HSD17B14: variants seen among roughly 807,000 people sequenced by gnomAD.
HSD17B14 encodes hydroxysteroid 17-beta dehydrogenase 14, also known as L-fucose dehydrogenase.
HSD17B14 carries 32 observed loss-of-function variants against 32.2 expected under a neutral mutation model. The observed-to-expected ratio is 0.99, with a 90% CI of 0.75 to 1.33. The LOEUF (loss-of-function observed/expected upper bound fraction) is 1.33, where lower values mean the gene tolerates loss of function less well. HSD17B14 is among the 40% of genes most tolerant of loss of function. HSD17B14 has a pLI of 0.00. For missense variants in HSD17B14, 370 were observed against 366.5 expected (o/e 1.01, Z -0.08); for synonymous variants, 140 against 155.4 (o/e 0.90, Z 0.74).
intron 4 of HSD17B14, 56 bp from the exon 5 acceptor site, chr19:48,831,815 C>T (rs933798721): frequency 9.7e-7 from 1 of 1,029,840 alleles, no homozygotes; most frequent in Non-Finnish European, 1.5e-6. Flanking sequence ...CACAGTTGCC[C>T]ACGCCTGTAA....
intron 5 of HSD17B14, among the ~76,000 whole-genome samples, chr19:48,830,164 C>G (rs1321376778): frequency 6.6e-6 from 1 of 152,088 alleles, no homozygotes; most frequent in Non-Finnish European, 1.5e-5. Flanking sequence ...CTTGCAGCCC[C>G]TTAACCCAAC....
chr19:48,833,938 C>T (rs554208840), intron 3 of HSD17B14, among the ~76,000 whole-genome samples: 16 of 151,860 alleles, frequency 1.1e-4, no homozygotes, highest in East Asian at 3.9e-4. Context: ...TGCAGTGAGC[C>T]GAGATCACAC....
At chr19:48,816,815 C>CTTTCTTTCTTTCTTTCTT (rs2035063076) in intron 5 of HSD17B14, among the ~76,000 whole-genome samples, 1 of 86,648 alleles carries the variant, frequency 1.2e-5, no homozygotes, top group Non-Finnish European at 2.4e-5. Flanking sequence ...TTCTTTCTTT[C>CTTTCTTTCTTTCTTTCTT]TTTCTTTCTT....
intron 5 of HSD17B14, among the ~76,000 whole-genome samples, chr19:48,821,178 A>G (rs975251685): frequency 1.3e-5 from 2 of 151,836 alleles, no homozygotes; most frequent in African/African-American, 4.8e-5. Context: ...ACGCCCAGCT[A>G]ATTTTTTGTA....
rs775920784 is a variant in HSD17B14, at chr19:48,813,194, G to A, written c.794C>T (p.Ala265Val). The change falls in exon 9 of 9, where the codon GCC (alanine) becomes GTC (valine). Residue 265 changes from alanine (A) to valine (V), a missense_variant. Physicochemically the swap from Ala to Val is moderately conservative, Grantham distance 64 (BLOSUM62 0). Transcript: ENST00000263278. ...CKASRSTPVD[A>V]PDIPS is the part of the protein sequence containing the mutation. ...GAGAAATCAGGAAGGGATATCGGGG[G>A]CGTCCACGGGGGTGCTCCGACTGGC... is the stretch of plus-strand genomic sequence containing the variant. The A allele has an allele frequency of 6.3e-7, 1 of 1,598,776 alleles. No homozygotes were observed. Among genetic ancestry groups the A allele is most frequent in the East Asian group, 2.2e-5 (1 of 44,640 alleles).
intron 5 of HSD17B14, among the ~76,000 whole-genome samples, chr19:48,819,816 T>C (rs2035115799): frequency 6.6e-6 from 1 of 152,180 alleles, no homozygotes; most frequent in Non-Finnish European, 1.5e-5. Context: ...GGACAGAGCC[T>C]ACATGTACCT....
chr19:48,821,895 T>C (rs572494564), intron 5 of HSD17B14, among the ~76,000 whole-genome samples: 6 of 151,388 alleles, frequency 4.0e-5, no homozygotes, highest in Non-Finnish European at 7.4e-5. Context: ...ATTTTGGTAA[T>C]GATGATGGTG....
Position 48,813,529 on chromosome 19 carries a change from G to A in HSD17B14, c.566C>T (p.Thr189Ile). Residue 189 changes from threonine (T) to isoleucine (I), a missense_variant, in exon 8 of 9, where the codon ACC becomes ATC. Coordinates refer to ENST00000263278, the MANE Select transcript of HSD17B14 (RefSeq NM_016246.3). ...VNCISPGNIWTPLWEELAALM... is the reference protein window; with the variant it reads ...VNCISPGNIWIPLWEELAALM... ...GGCTGCCAGCTCCTCCCACAGCGGG[G>A]TCCAGATGTTTCCTGGGGAGATACT... The A allele has an allele frequency of 6.2e-7, 1 of 1,614,128 alleles. No homozygotes were observed. The highest frequency in any genetic ancestry group is 8.5e-7 in the Non-Finnish European group (1 of 1,179,994).
chr19:48,816,315 C>T (rs2122740659), intron 5 of HSD17B14, among the ~76,000 whole-genome samples: 1 of 152,228 alleles, frequency 6.6e-6, no homozygotes, highest in South Asian at 2.1e-4. Flanking sequence ...CTGCCCGGTT[C>T]CCCCCACCAA....
intron 5 of HSD17B14, among the ~76,000 whole-genome samples, chr19:48,820,087 G>A (rs1432598175): frequency 6.6e-6 from 1 of 152,134 alleles, no homozygotes; most frequent in Non-Finnish European, 1.5e-5. Flanking sequence ...AGCCTGGTAG[G>A]TCAGGGCTTC....
chr19:48,833,698 T>A (rs1417792406), intron 3 of HSD17B14, among the ~76,000 whole-genome samples: 1 of 152,032 alleles, frequency 6.6e-6, no homozygotes, highest in Admixed American at 6.6e-5. Context: ...TGGTGGCACA[T>A]GCCTGAAATC....
chr19:48,825,818 C>T (rs2035233705), intron 5 of HSD17B14, among the ~76,000 whole-genome samples: 1 of 151,710 alleles, frequency 6.6e-6, no homozygotes, highest in Non-Finnish European at 1.5e-5. Context: ...ACTTGACCAA[C>T]TTTATTTATT....
intron 4 of HSD17B14, 46 bp downstream of exon 4, chr19:48,832,620 T>C (rs563845406): frequency 5.2e-6 from 8 of 1,527,678 alleles, no homozygotes; most frequent in African/African-American, 1.4e-5. Flanking sequence ...GGAAACAGAG[T>C]TGGGGGGCAG....
chr19:48,834,518 A>G (rs1392827119), intron 2 of HSD17B14, among the ~76,000 whole-genome samples, 160 bp from the exon 3 acceptor site: 15 of 94,646 alleles, frequency 1.6e-4, no homozygotes, highest in South Asian at 4.2e-4. Flanking sequence ...CTGAGGAAGT[A>G]GGGCCTGGGG....
At chr19:48,835,685 C>T (rs1297176033) in intron 2 of HSD17B14, 120 bp downstream of exon 2, 3 of 962,710 alleles carry the variant, frequency 3.1e-6, no homozygotes, top group Non-Finnish European at 4.9e-6. Flanking sequence ...ACTCCTGGGT[C>T]TGAGGAAGTA....
intron 5 of HSD17B14, among the ~76,000 whole-genome samples, chr19:48,820,258 A>G (rs1405697107): frequency 2.2e-4 from 33 of 152,090 alleles, no homozygotes; most frequent in South Asian, 6.2e-4. Context: ...TGGATCACCT[A>G]AGGTCAAGAG....
At chr19:48,823,904 G>A (rs2122768361) in intron 5 of HSD17B14, among the ~76,000 whole-genome samples, 1 of 148,938 alleles carries the variant, frequency 6.7e-6, no homozygotes, top group East Asian at 2.2e-4. Flanking sequence ...GCCTCCCAAA[G>A]TGCTGGGATT....
At chr19:48,825,329 T>C (rs995240848) in intron 5 of HSD17B14, among the ~76,000 whole-genome samples, 1 of 151,980 alleles carries the variant, frequency 6.6e-6, no homozygotes, top group African/African-American at 2.4e-5. Context: ...TTGTTTTGTT[T>C]GAGACAAGTT....
chr19:48,822,207 G>A (rs569733158), intron 5 of HSD17B14, among the ~76,000 whole-genome samples: 60 of 145,476 alleles, frequency 4.1e-4, no homozygotes, highest in African/African-American at 1.2e-3. Context: ...TGATGATGAT[G>A]GTGAGGTTGG....
Sources: allele counts gnomAD v4.1 joint callset (sites outside exome capture counted in the v4.1 genomes callset), GRCh38; gene constraint gnomAD v4.1.1; transcripts MANE v1.5; gene names NCBI Gene and HGNC (gene_info 2026-07-23, HGNC 2026-07-21).